The following CSMD1 variants were observed in gnomAD, a reference collection of about 807,000 sequenced individuals.
CSMD1 encodes CUB and Sushi multiple domains 1.
CSMD1 carries 213 observed loss-of-function variants against 417.5 expected under a neutral mutation model. The ratio of observed to expected loss-of-function variants is 0.51; its 90% CI spans 0.46 to 0.57. CSMD1 has a LOEUF of 0.57. CSMD1 is among the 20% of genes least tolerant of loss of function. The pLI is 0.00. For missense variants in CSMD1, 6,923 were observed against 4,529.7 expected (o/e 1.53, Z -15.17); for synonymous variants, 2,862 against 1,736.8 (o/e 1.65, Z -16.11).
chr8:2,993,665 C>G (rs1403185347), intron 54 of CSMD1, among the ~76,000 whole-genome samples: 1 of 152,136 alleles, frequency 6.6e-6, no homozygotes, highest in African/African-American at 2.4e-5. Flanking sequence ...ATCTAATCCT[C>G]TAGTGTAAAA....
intron 1 of CSMD1, among the ~76,000 whole-genome samples, chr8:4,878,880 C>G (rs1228502567): frequency 2.0e-5 from 3 of 150,362 alleles, no homozygotes; most frequent in Admixed American, 1.3e-4. Flanking sequence ...CCCAGACACA[C>G]AAAAAGCTGA....
chr8:2,978,249 C>G (rs75547309), intron 55 of CSMD1, among the ~76,000 whole-genome samples: 3 of 152,144 alleles, frequency 2.0e-5, no homozygotes, highest in Admixed American at 1.3e-4. Flanking sequence ...GAGAGTAAGA[C>G]GCCTGGCGGG....
At chr8:3,962,508 C>T (rs1338560790) in intron 5 of CSMD1, among the ~76,000 whole-genome samples, 1 of 152,072 alleles carries the variant, frequency 6.6e-6, no homozygotes, top group Admixed American at 6.6e-5. Context: ...TGCAGGAACC[C>T]CTATATTAAC....
intron 60 of CSMD1, 131 bp downstream of exon 60, chr8:2,963,091 G>T: frequency 2.0e-6 from 2 of 989,090 alleles, no homozygotes; most frequent in Non-Finnish European, 3.0e-6. Flanking sequence ...TCAAGTTTGA[G>T]TTTTTGTGTA....
intron 5 of CSMD1, among the ~76,000 whole-genome samples, chr8:3,813,467 T>C (rs1013840633): frequency 1.3e-5 from 2 of 152,164 alleles, no homozygotes; most frequent in Non-Finnish European, 2.9e-5. Flanking sequence ...TTTAGTAATG[T>C]CGTATCTTTT....
chr8:4,870,338 C>T (rs1350114517), intron 1 of CSMD1, among the ~76,000 whole-genome samples: 1 of 152,136 alleles, frequency 6.6e-6, no homozygotes, highest in African/African-American at 2.4e-5. Context: ...AGGCAACAAT[C>T]ATATTTTTAT....
chr8:4,960,401 CG>C (rs1361236973), intron 1 of CSMD1, among the ~76,000 whole-genome samples: 2 of 152,124 alleles, frequency 1.3e-5, no homozygotes, highest in African/African-American at 2.4e-5. Flanking sequence ...GGCAAGCTAC[CG>C]ATCTCACTCT....
Position 4,485,189 on chromosome 8 carries a change from C to T in CSMD1, c.303-65124G>A, listed in dbSNP as rs1271632963. On this transcript the variant is annotated intron_variant, in intron 2 of 69. Coordinates refer to ENST00000635120, the MANE Select transcript of CSMD1 (RefSeq NM_033225.6). ...CTACTGATTTGTATAAAGAGAGTGTCCTTAATACTTCTTCACCTCTAGGAT... is the reference window on the plus strand; with the variant it reads ...CTACTGATTTGTATAAAGAGAGTGTTCTTAATACTTCTTCACCTCTAGGAT... Among the ~76,000 whole-genome samples the T allele has an allele frequency of 5.9e-5, 9 of 151,942 alleles. No homozygotes were observed. In the South Asian group the frequency reaches 1.2e-3, roughly 21 times the overall value.
At chr8:4,042,252 C>G (rs368966150) in intron 3 of CSMD1, among the ~76,000 whole-genome samples, 4 of 152,094 alleles carry the variant, frequency 2.6e-5, no homozygotes, top group Admixed American at 1.3e-4. Context: ...TGCCTAAATA[C>G]AGCAATGAAG....
chr8:3,965,249 C>G (rs1026129089), intron 5 of CSMD1, among the ~76,000 whole-genome samples: 1 of 152,318 alleles, frequency 6.6e-6, no homozygotes, highest in Non-Finnish European at 1.5e-5. Context: ...GCTTTCCACT[C>G]AGCCTTTGGT....
At chr8:3,565,956 T>C (rs1158020233) in intron 10 of CSMD1, among the ~76,000 whole-genome samples, 2 of 152,208 alleles carry the variant, frequency 1.3e-5, no homozygotes, top group African/African-American at 4.8e-5. Context: ...TCCCAACGTA[T>C]ACGCATTCTC....
chr8:3,146,232 G>C (rs1166866946), intron 40 of CSMD1, among the ~76,000 whole-genome samples: 1 of 152,066 alleles, frequency 6.6e-6, no homozygotes, highest in African/African-American at 2.4e-5. Context: ...TTGCATTTCT[G>C]TTAACTGTGC....
chr8:3,605,063 C>T (rs964002158), intron 8 of CSMD1, among the ~76,000 whole-genome samples: 2 of 152,166 alleles, frequency 1.3e-5, no homozygotes, highest in Admixed American at 6.5e-5. Flanking sequence ...GGTGCCATCT[C>T]GGCTTACTGC....
At chr8:4,532,434 A>G (rs1053792076) in intron 2 of CSMD1, among the ~76,000 whole-genome samples, 1 of 139,532 alleles carries the variant, frequency 7.2e-6, no homozygotes, top group African/African-American at 2.7e-5. Flanking sequence ...CTGCACCTTC[A>G]TTCACAGTCA....
intron 2 of CSMD1, among the ~76,000 whole-genome samples, chr8:4,628,845 A>G (rs768296172): frequency 6.6e-6 from 1 of 152,144 alleles, no homozygotes; most frequent in Non-Finnish European, 1.5e-5. Flanking sequence ...TCCCACCATC[A>G]TCTAGAAATT....
chr8:3,727,076 A>T (rs976861739), intron 6 of CSMD1, among the ~76,000 whole-genome samples: 2 of 152,206 alleles, frequency 1.3e-5, no homozygotes, highest in Non-Finnish European at 2.9e-5. Flanking sequence ...TATAAAGATA[A>T]TGGCATTTAA....
Position 4,031,923 on chromosome 8 carries a change from G to C in CSMD1, c.592C>G (p.Pro198Ala), listed in dbSNP as rs1009413679. 4.3e-6 allele frequency: 7 copies of C among 1,613,478 alleles called. No individual in the cohort carries two copies. The highest frequency in any genetic ancestry group is 1.1e-5 in the South Asian group (1 of 91,048). Reference sequence around the variant, plus strand: ...ACTGTACCTCTGCAAAAGGGAGCTGGGAAGTCCCACGATGCACCATTTCCT... The same window carrying C: ...ACTGTACCTCTGCAAAAGGGAGCTGCGAAGTCCCACGATGCACCATTTCCT... ...SPGNGASWDF[P>A]APFCRAEGAC... Residue 198 changes from proline to alanine, a missense_variant, in exon 4 of 70, where the codon CCA becomes GCA. Transcript: ENST00000635120.
chr8:3,357,256 G>C (rs951818589), intron 21 of CSMD1, among the ~76,000 whole-genome samples: 2 of 152,214 alleles, frequency 1.3e-5, no homozygotes, highest in South Asian at 2.1e-4. Flanking sequence ...CTCCTGTCCA[G>C]TGCGGTGGTT....
At chr8:4,391,902 A>G (rs1803872698) in intron 3 of CSMD1, among the ~76,000 whole-genome samples, 1 of 152,158 alleles carries the variant, frequency 6.6e-6, no homozygotes, top group Non-Finnish European at 1.5e-5. Context: ...GCTTCTTTTC[A>G]GATGTCTTAG....
Sources: allele counts gnomAD v4.1 joint callset (sites outside exome capture counted in the v4.1 genomes callset), GRCh38; gene constraint gnomAD v4.1.1; transcripts MANE v1.5; gene names NCBI Gene and HGNC (gene_info 2026-07-23, HGNC 2026-07-21).